SLC39A10: variants seen among roughly 807,000 people sequenced by gnomAD.
The protein encoded by SLC39A10 is zinc transporter ZIP10.
SLC39A10 carries 13 observed loss-of-function variants against 65.1 expected under a neutral mutation model. The ratio of observed to expected loss-of-function variants is 0.20; its 90% CI spans 0.13 to 0.32. The LOEUF is 0.32. Among genes scored for constraint, SLC39A10 ranks in the 10% least tolerant of loss-of-function variants. The pLI is 1.00. For synonymous variants in SLC39A10, 321 were observed against 342.2 expected, an observed-to-expected ratio of 0.94 and a Z score of 0.68; for missense variants, 831 against 1,018.4, an observed-to-expected ratio of 0.82 and a Z score of 2.50.
intron 2 of SLC39A10, among the ~76,000 whole-genome samples, chr2:195,616,537 C>T (rs1688213274): frequency 6.6e-6 from 1 of 151,292 alleles, no homozygotes; most frequent in Non-Finnish European, 1.5e-5. Flanking sequence ...GATCTCTTGA[C>T]CTCATGATCC....
At chr2:195,702,341 G>A (rs1181731123) in intron 3 of SLC39A10, among the ~76,000 whole-genome samples, 1 of 152,124 alleles carries the variant, frequency 6.6e-6, no homozygotes, top group Non-Finnish European at 1.5e-5. Flanking sequence ...TTGAATTCAG[G>A]ACACCAGGCA....
intron 2 of SLC39A10, among the ~76,000 whole-genome samples, chr2:195,681,431 T>A (rs1574264686): frequency 6.6e-6 from 1 of 151,812 alleles, no homozygotes; most frequent in Non-Finnish European, 1.5e-5. Context: ...GAGGCTGAGG[T>A]GGAGAATCAC....
At chr2:195,720,461 G>A (rs894521805) in intron 8 of SLC39A10, among the ~76,000 whole-genome samples, 5 of 152,154 alleles carry the variant, frequency 3.3e-5, no homozygotes, top group African/African-American at 7.2e-5. Context: ...GCCACCTTTC[G>A]AATATGCAAG....
intron 2 of SLC39A10, among the ~76,000 whole-genome samples, chr2:195,648,181 A>T (rs1688963269): frequency 6.6e-6 from 1 of 152,080 alleles, no homozygotes; most frequent in Non-Finnish European, 1.5e-5. Flanking sequence ...ATTTTTTTGT[A>T]CAGAAGAGGT....
At chr2:195,682,493 T>C (rs1358892519) in intron 2 of SLC39A10, among the ~76,000 whole-genome samples, 1 of 143,142 alleles carries the variant, frequency 7.0e-6, no homozygotes, top group Non-Finnish European at 1.5e-5. Flanking sequence ...GGTCTCACTA[T>C]ATTGCCCAGA....
At position 195,681,503 on chromosome 2, in the gene SLC39A10, C is replaced by T. The variant is rs570927032; in HGVS notation, c.1008+453C>T. 6.7e-4 allele frequency among the ~76,000 whole-genome samples: 102 copies of T among 151,932 alleles called. 1 individual carries two copies. The highest frequency in any genetic ancestry group is 1.8e-3 in the Admixed American group (28 of 15,254). On this transcript the variant is annotated intron_variant, in intron 2 of 9. Coordinates refer to ENST00000359634, the MANE Select transcript of SLC39A10 (RefSeq NM_020342.3). The stretch of plus-strand genomic sequence containing the variant: ...TCATGCCACTGCACTCCAGCCTGGG[C>T]GACAAAGTGAGTCTCCATCTCAAAA...
intron 2 of SLC39A10, among the ~76,000 whole-genome samples, chr2:195,618,991 G>T (rs1688288651): frequency 6.6e-6 from 1 of 151,582 alleles, no homozygotes; most frequent in African/African-American, 2.4e-5. Flanking sequence ...TACTCGGGTG[G>T]CTGAGGCAGG....
At chr2:195,734,457 C>T (rs796896630) in intron 9 of SLC39A10, among the ~76,000 whole-genome samples, 18 of 152,258 alleles carry the variant, frequency 1.2e-4, no homozygotes, top group African/African-American at 2.4e-4. Context: ...CCACCGTGCC[C>T]GGCCCAAGAA....
intron 2 of SLC39A10, among the ~76,000 whole-genome samples, chr2:195,624,901 A>G (rs1204264699): frequency 1.3e-5 from 2 of 149,862 alleles, no homozygotes; most frequent in African/African-American, 4.9e-5. Context: ...AAAAAAAAAA[A>G]AAAAAAAAGT....
At chr2:195,644,395 G>T (rs986215370) in intron 2 of SLC39A10, among the ~76,000 whole-genome samples, 5 of 146,942 alleles carry the variant, frequency 3.4e-5, no homozygotes, top group African/African-American at 5.1e-5. Context: ...AGGCTGGAGT[G>T]CAGTGGCACG....
In SLC39A10 at chr2:195,615,956, T is replaced by C. The variant is rs753940831; in HGVS notation, c.-12+9723T>C. ...ATAAACTACCTAAAGGCAGAGATTG[T>C]CTCACCTCTTTTTATGTTTCCTAGC... is the stretch of plus-strand genomic sequence containing the variant. On this transcript the variant is annotated intron_variant, in intron 2 of 2. Coordinates refer to the SLC39A10 transcript ENST00000458054. Among the ~76,000 whole-genome samples, 16 of 152,300 alleles carry C rather than the reference T, an allele frequency of 1.1e-4. 1 individual carries two copies. Among genetic ancestry groups the C allele is most frequent in the South Asian group, 1.0e-3 (5 of 4,818 alleles).
At chr2:195,659,454 G>A (rs1689297850) in intron 1 of SLC39A10, among the ~76,000 whole-genome samples, 1 of 152,168 alleles carries the variant, frequency 6.6e-6, no homozygotes, top group Non-Finnish European at 1.5e-5. Context: ...TTTCAAAAGT[G>A]ATTTTTGGAG....
chr2:195,713,322 A>G (rs1229170383), intron 5 of SLC39A10, 111 bp from the exon 6 acceptor site: 7 of 851,868 alleles, frequency 8.2e-6, no homozygotes, highest in Non-Finnish European at 1.2e-5. Flanking sequence ...AATAATTTAT[A>G]TATAAAGTTA....
chr2:195,653,883 A>G (rs1042181772), upstream of SLC39A10, among the ~76,000 whole-genome samples: 6 of 152,232 alleles, frequency 3.9e-5, no homozygotes, highest in Admixed American at 1.3e-4. Flanking sequence ...AATCACGGAA[A>G]GAACAAGTGA....
intron 2 of SLC39A10, among the ~76,000 whole-genome samples, chr2:195,623,185 C>G (rs1330036819): frequency 2.0e-5 from 3 of 151,924 alleles, no homozygotes; most frequent in Non-Finnish European, 4.4e-5. Flanking sequence ...GAATCACTTC[C>G]CTTCAAAGTA....
chr2:195,619,092 CAAAAA>C (rs66627464), intron 2 of SLC39A10, among the ~76,000 whole-genome samples: 158 of 69,642 alleles, frequency 2.3e-3, no homozygotes, highest in Non-Finnish European at 3.4e-3. Flanking sequence ...GACTCTGTCT[CAAAAA>C]AAAAAAAAAA....
chr2:195,679,476 AT>A (rs946622076), intron 1 of SLC39A10, among the ~76,000 whole-genome samples: 16 of 152,098 alleles, frequency 1.1e-4, no homozygotes, highest in African/African-American at 3.9e-4. Context: ...GGCCCTTTCT[AT>A]TTCCACATCA....
intron 2 of SLC39A10, among the ~76,000 whole-genome samples, chr2:195,618,779 A>G (rs996609297): frequency 6.6e-6 from 1 of 152,166 alleles, no homozygotes; most frequent in South Asian, 2.1e-4. Context: ...AAAAAATGGC[A>G]TGATAATACA....
intron 2 of SLC39A10, among the ~76,000 whole-genome samples, chr2:195,627,153 G>C (rs1214717786): frequency 3.9e-5 from 6 of 152,098 alleles, no homozygotes; most frequent in Non-Finnish European, 8.8e-5. Flanking sequence ...TTTTGAACCA[G>C]AGATATGCAA....
Sources: allele counts gnomAD v4.1 joint callset (sites outside exome capture counted in the v4.1 genomes callset), GRCh38; gene constraint gnomAD v4.1.1; transcripts MANE v1.5; gene names NCBI Gene and HGNC (gene_info 2026-07-23, HGNC 2026-07-21).